The following MCUR1 variants were observed in gnomAD, a reference collection of about 807,000 sequenced individuals.
The protein encoded by MCUR1 is mitochondrial calcium uniporter regulator 1.
MCUR1 carries 37 observed loss-of-function variants against 42.0 expected under a neutral mutation model. The observed-to-expected ratio is 0.88, with a 90% CI of 0.68 to 1.16. The LOEUF is 1.16. Among genes scored for constraint, MCUR1 ranks in the 50% most tolerant of loss-of-function variants. The pLI is 0.00. For synonymous variants in MCUR1, 229 were observed against 196.2 expected (o/e 1.17, Z -1.40); for missense variants, 469 against 468.4 (o/e 1.00, Z -0.01).
In MCUR1 at chr6:13,798,828, C is replaced by T. The variant is rs371242312; in HGVS notation, c.855+5G>A. Reference sequence around the variant, plus strand: ...TCATAATGTGTTTTTAGTAAAGGAACGTACCAATTCTTTTACTCTGCTCTT... The same window carrying T: ...TCATAATGTGTTTTTAGTAAAGGAATGTACCAATTCTTTTACTCTGCTCTT... On this transcript the variant is annotated splice_donor_5th_base_variant and intron_variant, in intron 6 of 8. Coordinates refer to ENST00000379170, the MANE Select transcript of MCUR1 (RefSeq NM_001031713.4). 1.4e-5 allele frequency: 22 copies of T among 1,607,434 alleles called. No individual in the cohort carries two copies. The Admixed American group carries it at 2.2e-4, about 16-fold the overall frequency.
At position 13,790,879 on chromosome 6, in the gene MCUR1, C is replaced by T; in HGVS notation, c.1025-15G>A. The T allele has an allele frequency of 3.8e-6, 6 of 1,589,100 alleles. No homozygotes were observed. The highest frequency in any genetic ancestry group is 5.2e-6 in the Non-Finnish European group (6 of 1,159,650). ...AAATATAGACCCTGTAAGAAAAAAA[C>T]AATTGAGAGTACTATTAGTTCTATT... On this transcript the variant is annotated splice_polypyrimidine_tract_variant and intron_variant, in intron 8 of 8. Transcript: ENST00000379170.
In MCUR1 at chr6:13,814,159, C is replaced by A. The variant is rs940332306; in HGVS notation, c.271G>T (p.Asp91Tyr). The change falls in exon 1 of 9, where the codon GAC (aspartate) becomes TAC (tyrosine). Residue 91 changes from aspartate to tyrosine, a missense_variant. Transcript: ENST00000379170. The part of the protein sequence containing the change: ...AAAAPRRQLG[D>Y]WERSRLGYAA... ...TACCCGAGGCGCGAGCGCTCCCAGT[C>A]CCCGAGCTGCCGGCGCGGGGCTGCG... 2.3e-6 allele frequency: 3 copies of A among 1,330,910 alleles called. No individual in the cohort carries two copies. The highest frequency in any genetic ancestry group is 2.9e-6 in the Non-Finnish European group (3 of 1,048,094). The allele number at this position is 1,330,910 out of a possible 1,614,324, so 82.4% of individuals were successfully genotyped here. A position where few individuals can be genotyped will look rare whatever the true frequency, so the allele number is the denominator to read the frequency against.
chr6:13,790,416 G>C lies in MCUR1; in HGVS notation c.*393C>G, dbSNP rs139463814. 16 of 155,704 alleles carry C rather than the reference G, an allele frequency of 1.0e-4. No individual in the cohort carries two copies. Among genetic ancestry groups the C allele is most frequent in the African/African-American group, 3.9e-4 (16 of 41,314 alleles). The allele number at this position is 155,704 out of a possible 1,614,324, so 9.6% of individuals were successfully genotyped here. On this transcript the variant is annotated 3_prime_UTR_variant, in exon 9 of 9. Transcript: ENST00000379170. ...TAATACACATTAAGTCAAAATCTGG[G>C]CTCAAATGTGTAACAAGAAAACAAA...
chr6:13,800,575 G>A (rs1451398855), intron 4 of MCUR1, among the ~76,000 whole-genome samples, 193 bp from the exon 5 acceptor site: 3 of 152,188 alleles, frequency 2.0e-5, no homozygotes, highest in Admixed American at 2.0e-4. Context: ...GCTATGTAAA[G>A]TTAACTCAGT....
chr6:13,807,390 T>G (rs1005484804), intron 1 of MCUR1, among the ~76,000 whole-genome samples: 2 of 152,222 alleles, frequency 1.3e-5, no homozygotes, highest in African/African-American at 2.4e-5. Context: ...CTCTGAAGAT[T>G]TCATAGAAAT....
In MCUR1 at chr6:13,801,393, G is replaced by A; in HGVS notation, c.640-4C>T. 6.3e-7 allele frequency: 1 copy of A among 1,599,344 alleles called. No individual in the cohort carries two copies. On this transcript the variant is annotated splice_polypyrimidine_tract_variant and splice_region_variant and intron_variant, in intron 3 of 8. Coordinates refer to ENST00000379170, the MANE Select transcript of MCUR1 (RefSeq NM_001031713.4). ...TTACTTGCTGAAAAGTGATTTCCTA[G>A]GAAAAGAAAAACAAAACACATAATC...
At chr6:13,798,753 G>T in intron 6 of MCUR1, 80 bp downstream of exon 6, 1 of 1,004,270 alleles carries the variant, frequency 1.0e-6, no homozygotes, top group Non-Finnish European at 1.5e-6. Context: ...CCTATGACAT[G>T]TACATAAACT....
intron 2 of MCUR1, 64 bp downstream of exon 2, chr6:13,806,861 A>G: frequency 4.0e-6 from 6 of 1,484,756 alleles, no homozygotes; most frequent in Non-Finnish European, 5.4e-6. Flanking sequence ...AAATGAAACC[A>G]TAAGAGAAGT....
chr6:13,809,414 AAAAGCCTATC>A (rs1298683983), intron 1 of MCUR1, among the ~76,000 whole-genome samples: 1 of 152,180 alleles, frequency 6.6e-6, no homozygotes, highest in Non-Finnish European at 1.5e-5. Context: ...ATGTCTTTGC[AAAAGCCTATC>A]TTTAGAGAGC....
chr6:13,786,620 A>C lies in MCUR1; in HGVS notation c.*4189T>G, dbSNP rs578141689. The C allele has an allele frequency of 6.6e-6, 1 of 152,302 alleles. No individual in the cohort carries two copies. Among genetic ancestry groups the C allele is most frequent in the Admixed American group, 6.5e-5 (1 of 15,286 alleles). The allele number at this position is 152,302 out of a possible 1,614,324, so 9.4% of individuals were successfully genotyped here. A position where few individuals can be genotyped will look rare whatever the true frequency, so the allele number is the denominator to read the frequency against. ...TTTTCAAGTATTAGATTTACTTAGA[A>C]ATTCACCAGTGTTATCATTATACAA... is the stretch of plus-strand genomic sequence containing the variant. On this transcript the variant is annotated 3_prime_UTR_variant, in exon 9 of 9. Coordinates refer to ENST00000379170, the MANE Select transcript of MCUR1 (RefSeq NM_001031713.4).
rs3215484 is a variant in MCUR1 at position 13,800,394 on chromosome 6, TAAAAAA to T, written c.742-18_742-13del. The T allele has an allele frequency of 2.9e-6, 4 of 1,375,384 alleles. No homozygotes were observed. Among genetic ancestry groups the T allele is most frequent in the Admixed American group, 2.0e-5 (1 of 49,098 alleles). The allele number at this position is 1,375,384 out of a possible 1,614,324, so 85.2% of individuals were successfully genotyped here. A position where few individuals can be genotyped will look rare whatever the true frequency, so the allele number is the denominator to read the frequency against. ...TCGAGTTTTATTTTCTAAAAACACA[TAAAAAA>T]AAAGTCATTAGAAAGAACAACATAA... On this transcript the variant is annotated splice_polypyrimidine_tract_variant and intron_variant, in intron 4 of 8. Coordinates refer to ENST00000379170, the MANE Select transcript of MCUR1 (RefSeq NM_001031713.4).
Position 13,807,126 on chromosome 6 carries a change from C to A in MCUR1, c.416-82G>T, listed in dbSNP as rs545308869. ...CAGCACCCAGAGAAAATAAGGCATACCCCAAAGCCTTCGTGGTACTTTATA... is the reference window on the plus strand; with the variant it reads ...CAGCACCCAGAGAAAATAAGGCATAACCCAAAGCCTTCGTGGTACTTTATA... On this transcript the variant is annotated intron_variant, in intron 1 of 8. Coordinates refer to ENST00000379170, the MANE Select transcript of MCUR1 (RefSeq NM_001031713.4). 34 of 1,440,178 alleles carry A rather than the reference C, an allele frequency of 2.4e-5. No individual in the cohort carries two copies. In the Middle Eastern group the frequency reaches 9.3e-4, roughly 39 times the overall value. 89.2% of individuals were successfully genotyped at this position (1,440,178 alleles called of 1,614,324 possible). A position where few individuals can be genotyped will look rare whatever the true frequency, so the allele number is the denominator to read the frequency against.
In MCUR1 at chr6:13,788,917, A is replaced by G. The variant is rs530256420; in HGVS notation, c.*1892T>C. On this transcript the variant is annotated 3_prime_UTR_variant, in exon 9 of 9. Coordinates refer to ENST00000379170, the MANE Select transcript of MCUR1 (RefSeq NM_001031713.4). ...GACTTATATTTTCCAAAGTTTAGAC[A>G]TGACATCCAAAGGACAAAAGGTAAC... 16 of 152,360 alleles carry G rather than the reference A, an allele frequency of 1.1e-4. No individual in the cohort carries two copies. The highest frequency in any genetic ancestry group is 7.2e-4 in the Admixed American group (11 of 15,306). 9.4% of individuals were successfully genotyped at this position (152,360 alleles called of 1,614,324 possible). A position where few individuals can be genotyped will look rare whatever the true frequency, so the allele number is the denominator to read the frequency against.
intron 1 of MCUR1, among the ~76,000 whole-genome samples, chr6:13,812,072 A>G (rs1462083747): frequency 2.6e-5 from 4 of 152,190 alleles, no homozygotes; most frequent in East Asian, 3.9e-4. Flanking sequence ...CTCACTGATC[A>G]TAAGGAAGCG....
chr6:13,791,792 TC>T (rs1759732990), intron 8 of MCUR1, 85 bp downstream of exon 8: 1 of 812,938 alleles, frequency 1.2e-6, no homozygotes, highest in South Asian at 1.7e-5. Flanking sequence ...AGTGTTGGAA[TC>T]AATGAAATGC....
At chr6:13,811,981 A>C (rs1271317402) in intron 1 of MCUR1, among the ~76,000 whole-genome samples, 1 of 152,192 alleles carries the variant, frequency 6.6e-6, no homozygotes, top group Non-Finnish European at 1.5e-5. Context: ...TGGTCACTCC[A>C]ACCCCTGATG....
rs1584993237 is a variant in MCUR1 at position 13,814,169 on chromosome 6, C to T, written c.261G>A (p.Arg87=). The change falls in exon 1 of 9, where the codon CGG becomes CGA. Residue 87 remains arginine (R), a synonymous_variant. Transcript: ENST00000379170. ...GCGAGCGCTCCCAGTCCCCGAGCTG[C>T]CGGCGCGGGGCTGCGGCGGCCAAGC... is the stretch of plus-strand genomic sequence containing the variant. ...SPRLAAAAPR[R]QLGDWERSRL... is the part of the protein sequence containing the mutation. 4.5e-6 allele frequency: 6 copies of T among 1,333,180 alleles called. No homozygotes were observed. In the East Asian group the frequency reaches 1.9e-4, roughly 42 times the overall value. The allele number at this position is 1,333,180 out of a possible 1,614,324, so 82.6% of individuals were successfully genotyped here.
In MCUR1 at chr6:13,814,391, G is replaced by A; in HGVS notation, c.39C>T (p.Arg13=). ...CGSVGGQRTQ[R]LPGRQRLLFL... ...AGAGAAGCCGCTGGCGGCCGGGCAG[G>A]CGCTGGGTCCTCTGGCCGCCGACCG... Residue 13 remains arginine (R), a synonymous_variant, in exon 1 of 9, where the codon CGC becomes CGT. Transcript: ENST00000379170. 1 of 1,535,786 alleles carries A rather than the reference G, an allele frequency of 6.5e-7. No homozygotes were observed. The highest frequency in any genetic ancestry group is 1.2e-5 in the South Asian group (1 of 84,052).
intron 6 of MCUR1, among the ~76,000 whole-genome samples, chr6:13,796,072 A>C (rs997066785): frequency 1.3e-5 from 2 of 152,152 alleles, no homozygotes; most frequent in Admixed American, 1.3e-4. Flanking sequence ...ATTCCAGATA[A>C]AGTAATTACA....
Sources: gnomAD v4.1 joint callset for allele counts (sites outside exome capture counted in the v4.1 genomes callset) on GRCh38, gnomAD v4.1.1 for gene constraint, MANE v1.5 for transcripts, NCBI Gene and HGNC (gene_info 2026-07-23, HGNC 2026-07-21) for gene names.